PTPRK: variants seen among roughly 807,000 people sequenced by gnomAD.
PTPRK encodes protein tyrosine phosphatase receptor type K, also known as receptor-type tyrosine-protein phosphatase kappa.
PTPRK carries 75 observed loss-of-function variants against 178.0 expected under a neutral mutation model. The observed-to-expected ratio is 0.42, with a 90% confidence interval of 0.35 to 0.51. PTPRK has a LOEUF of 0.51. PTPRK is among the 20% of genes least tolerant of loss of function. The probability of loss-of-function intolerance (pLI) is 0.02; values close to 1 mark genes in which losing one functional copy is unlikely to be tolerated. For synonymous variants in PTPRK, 637 were observed against 620.6 expected (o/e 1.03, Z -0.39); for missense variants, 1,441 against 1,797.8 (o/e 0.80, Z 3.59).
chr6:128,303,658 C>T (rs562312587), intron 3 of PTPRK, among the ~76,000 whole-genome samples: 1 of 152,264 alleles, frequency 6.6e-6, no homozygotes, highest in Admixed American at 6.5e-5. Flanking sequence ...AAAATAATAT[C>T]TGCTGTAGTT....
At chr6:128,153,479 A>C (rs1468732357) in intron 7 of PTPRK, among the ~76,000 whole-genome samples, 4 of 152,018 alleles carry the variant, frequency 2.6e-5, no homozygotes, top group African/African-American at 9.7e-5. Context: ...TGCTATCAAA[A>C]GAAAAAAAAG....
chr6:128,033,067 C>T (rs752640726), intron 13 of PTPRK, among the ~76,000 whole-genome samples: 2 of 152,122 alleles, frequency 1.3e-5, no homozygotes, highest in Non-Finnish European at 2.9e-5. Flanking sequence ...CTACAGGGCT[C>T]TTTGGGAAGT....
chr6:128,439,476 A>C (rs2128399608), intron 1 of PTPRK, among the ~76,000 whole-genome samples: 1 of 152,318 alleles, frequency 6.6e-6, no homozygotes, highest in Admixed American at 6.5e-5. Context: ...AGCATGAAAA[A>C]ATTACAGTAG....
chr6:127,971,833 G>A (rs1444259459), intron 29 of PTPRK, among the ~76,000 whole-genome samples: 1 of 152,094 alleles, frequency 6.6e-6, no homozygotes, highest in East Asian at 1.9e-4. Flanking sequence ...GAAAAATGGA[G>A]GCAGAGTTTA....
At chr6:128,121,416 G>C (rs1184534954) in intron 7 of PTPRK, among the ~76,000 whole-genome samples, 1 of 151,966 alleles carries the variant, frequency 6.6e-6, no homozygotes, top group Non-Finnish European at 1.5e-5. Context: ...GACAACACTT[G>C]AATGATGTAA....
intron 7 of PTPRK, among the ~76,000 whole-genome samples, chr6:128,100,755 G>C (rs77020214): frequency 6.6e-6 from 1 of 151,882 alleles, no homozygotes; most frequent in African/African-American, 2.4e-5. Context: ...CTTTACTTTT[G>C]AAAAGGTATT....
chr6:128,310,647 C>CA (rs1243615113), intron 3 of PTPRK, among the ~76,000 whole-genome samples: 1 of 152,088 alleles, frequency 6.6e-6, no homozygotes, highest in Non-Finnish European at 1.5e-5. Flanking sequence ...AGTGGCACCG[C>CA]AAAAAGGAAC....
intron 3 of PTPRK, among the ~76,000 whole-genome samples, chr6:128,306,822 A>C (rs1826454308): frequency 6.6e-6 from 1 of 152,094 alleles, no homozygotes; most frequent in South Asian, 2.1e-4. Context: ...TAAGAGAATC[A>C]AAATTTATAC....
chr6:128,359,454 C>T (rs1324074751), intron 2 of PTPRK, among the ~76,000 whole-genome samples: 1 of 149,966 alleles, frequency 6.7e-6, no homozygotes, highest in Non-Finnish European at 1.5e-5. Flanking sequence ...TTTTGTAGTT[C>T]AATAAAAAGG....
chr6:128,186,759 T>C (rs777667752), intron 6 of PTPRK, among the ~76,000 whole-genome samples: 1 of 152,116 alleles, frequency 6.6e-6, no homozygotes, highest in African/African-American at 2.4e-5. Context: ...TTTTAAAAAG[T>C]TTTTGTAGAG....
intron 5 of PTPRK, among the ~76,000 whole-genome samples, chr6:128,227,264 C>T (rs1195743343): frequency 6.6e-6 from 1 of 152,110 alleles, no homozygotes; most frequent in Non-Finnish European, 1.5e-5. Context: ...AACTATAAAA[C>T]CATGCAATTT....
Position 128,242,529 on chromosome 6 carries a change from T to A in PTPRK, c.569A>T (p.Tyr190Phe), listed in dbSNP as rs1172904613. ...IAIDDIQVLSYPCDKSPHFLR... is the reference protein window; with the variant it reads ...IAIDDIQVLSFPCDKSPHFLR... ...TCTTAATCACAACCTACCACAAGGATAACTCAGTACTTGGATGTCATCAAT... is the reference window on the plus strand; with the variant it reads ...TCTTAATCACAACCTACCACAAGGAAAACTCAGTACTTGGATGTCATCAAT... The change falls in exon 4 of 30, where the codon TAT becomes TTT. Residue 190 changes from tyrosine to phenylalanine, a missense_variant. By Grantham distance (22) the Tyr-to-Phe change is conservative (BLOSUM62 3). This residue lies in a region of PTPRK where 945 missense variants were observed against 1,080.6 expected (regional missense o/e 0.87). Coordinates refer to ENST00000368226, the MANE Select transcript of PTPRK (RefSeq NM_002844.4). The A allele has an allele frequency of 1.2e-6, 2 of 1,612,404 alleles. No homozygotes were observed. Among genetic ancestry groups the A allele is most frequent in the East Asian group, 4.5e-5 (2 of 44,708 alleles).
intron 3 of PTPRK, among the ~76,000 whole-genome samples, chr6:128,306,889 C>T (rs563313703): frequency 3.7e-4 from 57 of 152,050 alleles, no homozygotes; most frequent in Admixed American, 1.6e-3. Context: ...GTGGGGAAAA[C>T]AGAAATTCAA....
At chr6:128,229,962 A>G (rs1191354448) in intron 5 of PTPRK, among the ~76,000 whole-genome samples, 1 of 151,016 alleles carries the variant, frequency 6.6e-6, no homozygotes. Flanking sequence ...AACAAATACA[A>G]AAGAAATAAG....
chr6:128,419,924 C>T (rs1282357839), intron 1 of PTPRK, among the ~76,000 whole-genome samples: 5 of 152,224 alleles, frequency 3.3e-5, no homozygotes, highest in Admixed American at 1.3e-4. Context: ...CCAAGATCAA[C>T]TCTTTCTTCT....
intron 6 of PTPRK, among the ~76,000 whole-genome samples, chr6:128,200,493 G>A (rs1001069803): frequency 6.6e-6 from 1 of 151,988 alleles, no homozygotes; most frequent in African/African-American, 2.4e-5. Flanking sequence ...GAGAGTCTGA[G>A]GCAGGAGGAT....
rs1774148530 is a variant in PTPRK, at chr6:127,973,246, T to C, written c.4134-89A>G. 1.4e-5 allele frequency: 22 copies of C among 1,555,492 alleles called. No individual in the cohort carries two copies. In the Admixed American group the frequency reaches 3.9e-4, roughly 28 times the overall value. ...CATATATGTTTGGGAAAATAAGACA[T>C]TGTAGTTTTAATTGTTTTCCATTTG... On this transcript the variant is annotated intron_variant, in intron 28 of 29. Transcript: ENST00000368226.
chr6:128,371,737 C>T (rs1836316966), intron 2 of PTPRK, among the ~76,000 whole-genome samples: 1 of 152,014 alleles, frequency 6.6e-6, no homozygotes, highest in African/African-American at 2.4e-5. Context: ...CAGCCAGGCA[C>T]CATGATGCAC....
At chr6:128,030,057 C>T (rs1344956141) in intron 13 of PTPRK, among the ~76,000 whole-genome samples, 1 of 152,076 alleles carries the variant, frequency 6.6e-6, no homozygotes, top group Non-Finnish European at 1.5e-5. Flanking sequence ...ATGAATTGCC[C>T]CAGAGTTGAC....
Sources: gnomAD v4.1 joint callset for allele counts (sites outside exome capture counted in the v4.1 genomes callset) on GRCh38, gnomAD v4.1.1 for gene constraint, gnomAD v4.1.1 regional missense constraint, MANE v1.5 for transcripts, NCBI Gene and HGNC (gene_info 2026-07-23, HGNC 2026-07-21) for gene names.